CTTNBP2NL: variants seen among roughly 807,000 people sequenced by gnomAD.
CTTNBP2NL encodes CTTNBP2 N-terminal-like protein.
A neutral mutation model predicts 32.5 loss-of-function variants in CTTNBP2NL; 16 were observed. The observed-to-expected ratio is 0.49, with a 90% CI of 0.33 to 0.75. The LOEUF is 0.75. Among genes scored for constraint, CTTNBP2NL ranks in the 30% least tolerant of loss-of-function variants. The pLI, the probability that CTTNBP2NL is intolerant of heterozygous loss-of-function variation, is 0.02. For missense variants in CTTNBP2NL, 645 were observed against 756.0 expected, an observed-to-expected ratio of 0.85 and a Z score of 1.72; for synonymous variants, 298 against 289.4, an observed-to-expected ratio of 1.03 and a Z score of -0.30.
intron 3 of CTTNBP2NL, among the ~76,000 whole-genome samples, chr1:112,431,805 G>A (rs998733698): frequency 6.6e-6 from 1 of 151,938 alleles, no homozygotes; most frequent in Non-Finnish European, 1.5e-5. Flanking sequence ...ATGTAATTAG[G>A]TTTTATACAC....
chr1:112,452,403 G>A (rs1197065098), intron 4 of CTTNBP2NL, among the ~76,000 whole-genome samples: 1 of 142,276 alleles, frequency 7.0e-6, no homozygotes, highest in Non-Finnish European at 1.5e-5. Context: ...GGAGTGCAAT[G>A]GCACAATCTT....
chr1:112,416,247 G>T lies in CTTNBP2NL; in HGVS notation c.82G>T (p.Val28Phe). The change falls in exon 3 of 6, where the codon GTT (valine) becomes TTT (phenylalanine). Residue 28 changes from valine (V) to phenylalanine (F), a missense_variant. Val to Phe is a conservative substitution (Grantham distance 50). Transcript: ENST00000271277. ...LEGELEARDL[V>F]IEALKAQHRD... ...AGGAGAGCTTGAAGCAAGGGACCTT[G>T]TTATAGAAGCCTTAAAGGTATGTTA... The T allele has an allele frequency of 1.3e-6, 2 of 1,572,794 alleles. No homozygotes were observed. The highest frequency in any genetic ancestry group is 2.3e-5 in the South Asian group (2 of 87,232).
intron 3 of CTTNBP2NL, among the ~76,000 whole-genome samples, chr1:112,435,710 C>T (rs2101019966): frequency 6.6e-6 from 1 of 152,226 alleles, no homozygotes; most frequent in African/African-American, 2.4e-5. Flanking sequence ...GGAATATGTA[C>T]TTTTGCTCAC....
intron 3 of CTTNBP2NL, among the ~76,000 whole-genome samples, chr1:112,417,135 G>A (rs1037538408): frequency 9.9e-5 from 15 of 152,076 alleles, no homozygotes; most frequent in African/African-American, 3.4e-4. Flanking sequence ...GGATGACCTC[G>A]TTTTCTCTTT....
At chr1:112,448,904 T>TA (rs1177764808) in intron 3 of CTTNBP2NL, 38 bp from the exon 4 acceptor site, 7 of 1,276,620 alleles carry the variant, frequency 5.5e-6, no homozygotes, top group Non-Finnish European at 8.0e-6. Context: ...TCAGTAGTTT[T>TA]AAAAAGCAAG....
upstream of CTTNBP2NL, among the ~76,000 whole-genome samples, chr1:112,394,205 TAAAA>T (rs60528857): frequency 4.1e-5 from 3 of 73,304 alleles, no homozygotes; most frequent in Non-Finnish European, 6.1e-5. Flanking sequence ...TCCATCTCGA[TAAAA>T]AAAAAAAAAA....
chr1:112,448,298 C>A (rs1397282783), intron 3 of CTTNBP2NL, among the ~76,000 whole-genome samples: 2 of 152,194 alleles, frequency 1.3e-5, no homozygotes, highest in African/African-American at 4.8e-5. Flanking sequence ...TCCTCCTTGA[C>A]CCATCAACAA....
At chr1:112,411,577 C>T (rs1002449377) in intron 1 of CTTNBP2NL, among the ~76,000 whole-genome samples, 9 of 151,916 alleles carry the variant, frequency 5.9e-5, no homozygotes, top group Non-Finnish European at 8.8e-5. Context: ...TAGACAAAGT[C>T]GAGATGCTAA....
At chr1:112,445,311 T>C (rs2101027286) in intron 3 of CTTNBP2NL, among the ~76,000 whole-genome samples, 1 of 152,290 alleles carries the variant, frequency 6.6e-6, no homozygotes, top group Non-Finnish European at 1.5e-5. Context: ...TGGGGGTGAT[T>C]GGTATGCAGG....
At chr1:112,398,716 C>T (rs1346886903) in intron 1 of CTTNBP2NL, among the ~76,000 whole-genome samples, 1 of 149,142 alleles carries the variant, frequency 6.7e-6, no homozygotes, top group Non-Finnish European at 1.5e-5. Context: ...GAGGCTGAGG[C>T]AGGAGGCTTG....
At chr1:112,435,408 A>C (rs1247099068) in intron 3 of CTTNBP2NL, among the ~76,000 whole-genome samples, 1 of 152,172 alleles carries the variant, frequency 6.6e-6, no homozygotes, top group African/African-American at 2.4e-5. Context: ...ATCTGGACCC[A>C]AGTAAGTACT....
intron 3 of CTTNBP2NL, among the ~76,000 whole-genome samples, chr1:112,423,406 T>C (rs967572383): frequency 2.0e-5 from 3 of 152,196 alleles, no homozygotes; most frequent in Non-Finnish European, 2.9e-5. Context: ...ATCATACATA[T>C]GTTAATTAGC....
chr1:112,401,875 T>C (rs1648513936), intron 1 of CTTNBP2NL, among the ~76,000 whole-genome samples: 1 of 152,210 alleles, frequency 6.6e-6, no homozygotes. Flanking sequence ...ATGAATCCTT[T>C]CTGACTTCTG....
At chr1:112,448,917 G>A (rs1247113698) in intron 3 of CTTNBP2NL, 25 bp from the exon 4 acceptor site, 2 of 1,368,880 alleles carry the variant, frequency 1.5e-6, no homozygotes, top group Non-Finnish European at 2.1e-6. Context: ...AAAGCAAGAT[G>A]CTTATTTTTT....
At chr1:112,392,017 T>TAAATAAATAAATAAAA (rs1311848739), upstream of CTTNBP2NL, among the ~76,000 whole-genome samples, 2 of 150,850 alleles carry the variant, frequency 1.3e-5, no homozygotes, top group African/African-American at 4.9e-5. Context: ...AATAAATAAA[T>TAAATAAATAAATAAAA]AAAATAAGTC....
intron 3 of CTTNBP2NL, among the ~76,000 whole-genome samples, chr1:112,426,447 T>C (rs1193372705): frequency 6.6e-6 from 1 of 151,950 alleles, no homozygotes; most frequent in East Asian, 1.9e-4. Flanking sequence ...ATCCCAGAAC[T>C]TTAGGAGGTC....
chr1:112,423,793 G>A (rs577840967), intron 3 of CTTNBP2NL, among the ~76,000 whole-genome samples: 2 of 152,074 alleles, frequency 1.3e-5, no homozygotes, highest in African/African-American at 2.4e-5. Flanking sequence ...ATGCGATCTC[G>A]GCTCACTGCA....
intron 1 of CTTNBP2NL, among the ~76,000 whole-genome samples, chr1:112,409,706 G>A (rs1648795769): frequency 1.3e-5 from 2 of 152,182 alleles, no homozygotes; most frequent in Admixed American, 6.5e-5. Flanking sequence ...TGGTAAAATG[G>A]CAGCAGCAAT....
At chr1:112,455,248 GTAATCCCAGCACTTT>G (rs1402647077) in intron 5 of CTTNBP2NL, among the ~76,000 whole-genome samples, 45 of 152,172 alleles carry the variant, frequency 3.0e-4, no homozygotes, top group Admixed American at 2.8e-3. Flanking sequence ...GTTCACGCCT[GTAATCCCAGCACTTT>G]TGGAGGCCGA....
Sources: gnomAD v4.1 joint callset for allele counts (sites outside exome capture counted in the v4.1 genomes callset) on GRCh38, gnomAD v4.1.1 for gene constraint, MANE v1.5 for transcripts, NCBI Gene and HGNC (gene_info 2026-07-23, HGNC 2026-07-21) for gene names.